The following DRC3 variants were observed in gnomAD, a reference collection of about 807,000 sequenced individuals.
DRC3 encodes dynein regulatory complex subunit 3, also known as leucine rich repeat containing 48.
A neutral mutation model predicts 57.6 loss-of-function variants in DRC3; 45 were observed. The observed-to-expected ratio is 0.78, with a 90% CI of 0.62 to 1.00. The LOEUF (loss-of-function observed/expected upper bound fraction) is 1.00. Ranked by LOEUF, DRC3 falls within the 50% of genes least tolerant of loss-of-function variation. DRC3 has a pLI of 0.00. For synonymous variants in DRC3, 257 were observed against 272.3 expected (o/e 0.94, Z 0.55); for missense variants, 655 against 675.2 (o/e 0.97, Z 0.33).
At chr17:18,007,386 A>T in intron 12 of DRC3, 1 of 1,551,500 alleles carries the variant, frequency 6.4e-7, no homozygotes, top group Non-Finnish European at 8.7e-7. Flanking sequence ...GATGGTTTCA[A>T]CTTTCCAACA....
At chr17:17,975,786 G>C (rs138055410) in intron 2 of DRC3, among the ~76,000 whole-genome samples, 1 of 152,332 alleles carries the variant, frequency 6.6e-6, no homozygotes, top group East Asian at 1.9e-4. Flanking sequence ...GGCACAGGTG[G>C]AGAAGGGGTA....
At chr17:17,979,045 T>C (rs2042529267) in intron 3 of DRC3, among the ~76,000 whole-genome samples, 1 of 151,616 alleles carries the variant, frequency 6.6e-6, no homozygotes, top group East Asian at 1.9e-4. Flanking sequence ...AAAAGGGAAG[T>C]TGGGGGTGGA....
In DRC3 at chr17:17,977,683, G is replaced by T. The variant is rs1387603867; in HGVS notation, c.85G>T (p.Glu29Ter). 2 of 1,613,064 alleles carry T rather than the reference G, an allele frequency of 1.2e-6. No individual in the cohort carries two copies. The highest frequency in any genetic ancestry group is 2.2e-5 in the East Asian group (1 of 44,888). Residue 29 changes from glutamate to a stop codon, truncating the protein, a stop_gained, in exon 3 of 14, where the codon GAG becomes TAG. Coordinates refer to ENST00000399187, the MANE Select transcript of DRC3 (RefSeq NM_031294.4). LOFTEE classifies it high-confidence loss of function. ...KLAVGDQGPQ[E>*]EAGQLAKQEG... ...GGCCGTCGGGGACCAGGGCCCCCAG[G>T]AGGAGGCCGGGCAGCTGGCCAAGCA...
At chr17:17,994,202 A>T (rs1205151713) in intron 6 of DRC3, 97 bp from the exon 7 acceptor site, 1 of 1,481,628 alleles carries the variant, frequency 6.7e-7, no homozygotes, top group Non-Finnish European at 9.1e-7. Context: ...ACCCCTGCCC[A>T]TGCGCGGGAG....
intron 9 of DRC3, among the ~76,000 whole-genome samples, chr17:17,998,417 A>G (rs1211461823): frequency 6.6e-6 from 1 of 152,210 alleles, no homozygotes; most frequent in Non-Finnish European, 1.5e-5. Flanking sequence ...TTGAGTTGGC[A>G]TTACTTTTAA....
chr17:17,977,837 T>G, intron 3 of DRC3, 79 bp downstream of exon 3: 1 of 1,445,600 alleles, frequency 6.9e-7, no homozygotes, highest in Non-Finnish European at 9.3e-7. Context: ...AGCCCCAGGA[T>G]TCCATGCAAA....
At chr17:17,973,484 G>A (rs1433953202) in intron 1 of DRC3, among the ~76,000 whole-genome samples, 1 of 152,076 alleles carries the variant, frequency 6.6e-6, no homozygotes, top group Non-Finnish European at 1.5e-5. Flanking sequence ...TCCCTAGCTG[G>A]GAAATAAGGG....
At chr17:17,984,725 GCTGGGACTCACCCCCACGC>G (rs1180427377) in intron 4 of DRC3, among the ~76,000 whole-genome samples, 2 of 152,146 alleles carry the variant, frequency 1.3e-5, no homozygotes, top group African/African-American at 4.8e-5. Context: ...AAGTATCAGA[GCTGGGACTCACCCCCACGC>G]CTGTCTGACC....
chr17:17,995,129 T>G lies in DRC3; in HGVS notation c.824+18T>G. On this transcript the variant is annotated intron_variant, in intron 8 of 13. Transcript: ENST00000399187. ...CTTGAGACATATCCTTCTGAGTTCA[T>G]GGCTGTCTCAGAGCCTCTGCCACCA... 1.9e-6 allele frequency: 3 copies of G among 1,581,300 alleles called. No individual in the cohort carries two copies. Among genetic ancestry groups the G allele is most frequent in the Non-Finnish European group, 2.6e-6 (3 of 1,150,790 alleles).
intron 2 of DRC3, among the ~76,000 whole-genome samples, chr17:17,974,911 G>A (rs756356479): frequency 3.3e-5 from 5 of 152,208 alleles, no homozygotes; most frequent in African/African-American, 4.8e-5. Flanking sequence ...GACTAAATAC[G>A]TGATCTCACA....
intron 4 of DRC3, among the ~76,000 whole-genome samples, chr17:17,986,707 C>T (rs894828634): frequency 1.3e-5 from 2 of 151,950 alleles, no homozygotes; most frequent in African/African-American, 4.8e-5. Context: ...CAAGTGATCC[C>T]CCCGCCTCGG....
chr17:18,007,444 A>G, intron 12 of DRC3: 1 of 1,551,504 alleles, frequency 6.4e-7, no homozygotes, highest in South Asian at 1.2e-5. Flanking sequence ...GGCACTTTCT[A>G]AGAGAAGCAG....
chr17:18,016,189 A>G lies in DRC3; in HGVS notation c.1452A>G (p.Ile484Met), dbSNP rs763394010. The G allele has an allele frequency of 3.7e-6, 6 of 1,613,894 alleles. No individual in the cohort carries two copies. Among genetic ancestry groups the G allele is most frequent in the Non-Finnish European group, 5.1e-6 (6 of 1,179,772 alleles). ...TCAACTCTTGGTGTACACGTTTAAT[A>G]GACAGGGTGAGTCAATCCCAAGCCA... is the stretch of plus-strand genomic sequence containing the variant. The part of the protein sequence containing the change: ...TRINSWCTRL[I>M]DRIHKDEIMR... The change falls in exon 13 of 14, where the codon ATA becomes ATG. Residue 484 changes from isoleucine to methionine, a missense_variant. Ile to Met is a conservative substitution (Grantham distance 10). Transcript: ENST00000399187.
At chr17:18,012,121 A>T (rs1487772461) in intron 12 of DRC3, among the ~76,000 whole-genome samples, 1 of 152,260 alleles carries the variant, frequency 6.6e-6, no homozygotes, top group Non-Finnish European at 1.5e-5. Context: ...TAAGAAAAAT[A>T]AAGTGAATTA....
chr17:18,006,826 C>T (rs556130661), intron 11 of DRC3, 198 bp from the exon 12 acceptor site: 3 of 723,326 alleles, frequency 4.1e-6, no homozygotes, highest in East Asian at 6.3e-5. Flanking sequence ...TGGCAGGGGC[C>T]GAGGGTCCGT....
chr17:17,976,015 A>G (rs1408083677), intron 2 of DRC3, among the ~76,000 whole-genome samples: 1 of 152,156 alleles, frequency 6.6e-6, no homozygotes, highest in African/African-American at 2.4e-5. Flanking sequence ...CTGGCTTTTC[A>G]GCAGACACCA....
At chr17:18,004,820 G>A in intron 10 of DRC3, 1 of 264,570 alleles carries the variant, frequency 3.8e-6, no homozygotes. Context: ...CCCACTTGGG[G>A]ACCAAACAAA....
intron 9 of DRC3, among the ~76,000 whole-genome samples, chr17:18,003,655 T>C (rs1294761258): frequency 4.9e-4 from 65 of 133,650 alleles, no homozygotes; most frequent in Non-Finnish European, 8.0e-4. Flanking sequence ...TTTTTTTTTT[T>C]TTTTTGAGAC....
intron 12 of DRC3, among the ~76,000 whole-genome samples, chr17:18,012,820 A>G (rs576728961): frequency 4.1e-4 from 63 of 152,330 alleles, no homozygotes; most frequent in African/African-American, 1.5e-3. Flanking sequence ...TAAATGGAAT[A>G]TATCAAACTA....
Sources: gnomAD v4.1 joint callset for allele counts (sites outside exome capture counted in the v4.1 genomes callset) on GRCh38, gnomAD v4.1.1 for gene constraint, MANE v1.5 for transcripts, NCBI Gene and HGNC (gene_info 2026-07-23, HGNC 2026-07-21) for gene names.